Variants in CAMKMT observed in about 807,000 individuals in gnomAD.
The protein encoded by CAMKMT is CaM KMT.
In CAMKMT, 53 loss-of-function variants were observed where a neutral mutation model predicts 48.0. That is an observed-to-expected ratio of 1.10 (90% CI 0.89 to 1.39). The LOEUF (loss-of-function observed/expected upper bound fraction) is 1.39, where lower values mean the gene tolerates loss of function less well. Ranked by LOEUF, CAMKMT falls within the 40% of genes most tolerant of loss-of-function variation. CAMKMT has a pLI of 0.00. For missense variants in CAMKMT, 428 were observed against 402.7 expected, an observed-to-expected ratio of 1.06 and a Z score of -0.54; for synonymous variants, 165 against 152.3, an observed-to-expected ratio of 1.08 and a Z score of -0.61.
chr2:44,618,159 T>G lies in CAMKMT; in HGVS notation c.377-86124T>G, dbSNP rs1558747964. 6.6e-6 allele frequency among the ~76,000 whole-genome samples: 1 copy of G among 152,220 alleles called. No homozygotes were observed. Among genetic ancestry groups the G allele is most frequent in the African/African-American group, 2.4e-5 (1 of 41,466 alleles). On this transcript the variant is annotated intron_variant, in intron 3 of 10. Coordinates refer to ENST00000378494, the MANE Select transcript of CAMKMT (RefSeq NM_024766.5). This position sits in a 1 kb window ranked among gnomAD's most constrained non-coding sequence, Gnocchi z 4.0. ...TGTTTTTAATCTTTAATAGGTCACC[T>G]TCCCAAGTGCAAGCAGGCAAGCTGT...
rs78251031 is a variant in CAMKMT at position 44,496,239 on chromosome 2, G to T, written c.376+105934G>T. On this transcript the variant is annotated intron_variant, in intron 3 of 10. Transcript: ENST00000378494. ...TGGAATAAATCAGGGCTTTTTAAATGAATTGATCCCTTACTGTCTTATAAC... is the reference window on the plus strand; with the variant it reads ...TGGAATAAATCAGGGCTTTTTAAATTAATTGATCCCTTACTGTCTTATAAC... 2.6e-3 allele frequency among the ~76,000 whole-genome samples: 403 copies of T among 152,240 alleles called. 1 individual carries two copies. The highest frequency in any genetic ancestry group is 9.1e-3 in the African/African-American group (378 of 41,538).
intron 3 of CAMKMT, among the ~76,000 whole-genome samples, chr2:44,404,599 C>G (rs763532941): frequency 6.6e-5 from 10 of 152,080 alleles, no homozygotes; most frequent in Non-Finnish European, 1.2e-4. Context: ...ATTTCCCACT[C>G]AGACCACCAG....
At chr2:44,440,081 A>T (rs1558616715) in intron 3 of CAMKMT, among the ~76,000 whole-genome samples, 1 of 152,146 alleles carries the variant, frequency 6.6e-6, no homozygotes, top group South Asian at 2.1e-4. Context: ...GAGTGCTTAG[A>T]GGTAAAGAGT....
chr2:44,758,246 G>A (rs537201335), intron 9 of CAMKMT, among the ~76,000 whole-genome samples: 75 of 152,290 alleles, frequency 4.9e-4, no homozygotes, highest in Admixed American at 8.5e-4. Flanking sequence ...GGGTCCAGAA[G>A]CAAAGAAAGT....
At chr2:44,513,191 G>C (rs1183802126) in intron 3 of CAMKMT, among the ~76,000 whole-genome samples, 1 of 152,044 alleles carries the variant, frequency 6.6e-6, no homozygotes. Context: ...ACTGCAGACA[G>C]CCAAATTACC....
At chr2:44,518,848 T>C (rs1670961092) in intron 3 of CAMKMT, among the ~76,000 whole-genome samples, 1 of 152,188 alleles carries the variant, frequency 6.6e-6, no homozygotes, top group Admixed American at 6.5e-5. Flanking sequence ...TCTTAGAACA[T>C]GTCATGCTGA....
chr2:44,440,862 AT>A (rs1666613211), intron 3 of CAMKMT, among the ~76,000 whole-genome samples: 1 of 152,004 alleles, frequency 6.6e-6, no homozygotes. Context: ...TCATGGTATT[AT>A]TTTTCACAGA....
At chr2:44,442,414 G>T (rs749357040) in intron 3 of CAMKMT, among the ~76,000 whole-genome samples, 41 of 152,062 alleles carry the variant, frequency 2.7e-4, no homozygotes, top group Non-Finnish European at 5.9e-5. Flanking sequence ...TGCTCATTTT[G>T]CTTTGTTAGT....
chr2:44,516,330 C>G (rs552274418), intron 3 of CAMKMT, among the ~76,000 whole-genome samples: 125 of 152,266 alleles, frequency 8.2e-4, no homozygotes, highest in African/African-American at 2.9e-3. Flanking sequence ...TTTTAGCATG[C>G]ATTTTCTAGT....
chr2:44,670,446 C>T (rs1675261153), intron 3 of CAMKMT, among the ~76,000 whole-genome samples: 1 of 152,100 alleles, frequency 6.6e-6, no homozygotes, highest in African/African-American at 2.4e-5. Flanking sequence ...GATTGCACCA[C>T]TGCACTCCAG....
At chr2:44,643,056 C>T (rs1271941169) in intron 3 of CAMKMT, among the ~76,000 whole-genome samples, 1 of 152,024 alleles carries the variant, frequency 6.6e-6, no homozygotes, top group Non-Finnish European at 1.5e-5. Context: ...ATACATAGAA[C>T]CCTATAAATC....
chr2:44,744,557 A>G (rs1002431752), intron 8 of CAMKMT, among the ~76,000 whole-genome samples: 2 of 152,158 alleles, frequency 1.3e-5, no homozygotes, highest in African/African-American at 4.8e-5. Flanking sequence ...AGGTTTTATC[A>G]TGATGTTTAT....
chr2:44,712,241 T>C (rs1193566220), intron 6 of CAMKMT, among the ~76,000 whole-genome samples: 1 of 152,078 alleles, frequency 6.6e-6, no homozygotes, highest in African/African-American at 2.4e-5. Context: ...TCATTTTTGG[T>C]ATTCCAGCGA....
intron 3 of CAMKMT, among the ~76,000 whole-genome samples, chr2:44,423,300 C>T (rs1160437930): frequency 6.6e-6 from 1 of 152,134 alleles, no homozygotes; most frequent in African/African-American, 2.4e-5. Flanking sequence ...CTGCCTCAGC[C>T]TCCTGAGTAG....
intron 9 of CAMKMT, among the ~76,000 whole-genome samples, chr2:44,757,162 C>G (rs372180049): frequency 6.6e-6 from 1 of 152,196 alleles, no homozygotes; most frequent in Non-Finnish European, 1.5e-5. Context: ...TAGAACTTAT[C>G]AAGGTTAATC....
chr2:44,434,691 A>G (rs1684846658), intron 3 of CAMKMT, among the ~76,000 whole-genome samples: 1 of 152,162 alleles, frequency 6.6e-6, no homozygotes, highest in Non-Finnish European at 1.5e-5. Context: ...TGTGTCTGTG[A>G]CAATCCAGAA....
intron 3 of CAMKMT, among the ~76,000 whole-genome samples, chr2:44,623,233 G>C (rs1415359926): frequency 6.6e-6 from 1 of 152,052 alleles, no homozygotes; most frequent in Non-Finnish European, 1.5e-5. Context: ...TTAGGCCTTT[G>C]TTGGTATAGT....
chr2:44,686,454 A>G (rs1676345335), intron 3 of CAMKMT, among the ~76,000 whole-genome samples: 1 of 152,126 alleles, frequency 6.6e-6, no homozygotes, highest in South Asian at 2.1e-4. Flanking sequence ...CGTTTAGTTC[A>G]TAGTAATGAA....
intron 9 of CAMKMT, among the ~76,000 whole-genome samples, chr2:44,755,940 TG>T (rs980339097): frequency 2.0e-5 from 3 of 152,068 alleles, no homozygotes; most frequent in African/African-American, 4.8e-5. Flanking sequence ...AGAATGGCAG[TG>T]GGGGGGCCTC....
Sources: allele counts gnomAD v4.1 joint callset (sites outside exome capture counted in the v4.1 genomes callset), GRCh38; gene constraint gnomAD v4.1.1; non-coding constraint Gnocchi (gnomAD v3.1); transcripts MANE v1.5; gene names NCBI Gene and HGNC (gene_info 2026-07-23, HGNC 2026-07-21).